The following ASB3 variants were observed in gnomAD, a reference collection of about 807,000 sequenced individuals.
The protein encoded by ASB3 is ankyrin repeat and SOCS box containing 3, also known as ankyrin repeat and SOCS box protein 3.
In ASB3, 41 loss-of-function variants were observed where a neutral mutation model predicts 54.5. That is an observed-to-expected ratio of 0.75 (90% CI 0.59 to 0.98). The LOEUF is 0.98. ASB3 is among the 50% of genes least tolerant of loss of function. The pLI, the probability that ASB3 is intolerant of heterozygous loss-of-function variation, is 0.00. For synonymous variants in ASB3, 266 were observed against 221.2 expected, an observed-to-expected ratio of 1.20 and a Z score of -1.80; for missense variants, 733 against 620.0, an observed-to-expected ratio of 1.18 and a Z score of -1.94.
intron 1 of ASB3, among the ~76,000 whole-genome samples, chr2:53,777,074 A>C (rs1264746722): frequency 6.6e-6 from 1 of 152,154 alleles, no homozygotes; most frequent in Non-Finnish European, 1.5e-5. Context: ...TGTTTTACTT[A>C]ATTGTACTGA....
chr2:53,688,182 A>T (rs1039577051), intron 9 of ASB3, among the ~76,000 whole-genome samples: 2 of 152,172 alleles, frequency 1.3e-5, no homozygotes, highest in African/African-American at 4.8e-5. Context: ...TTGTAAGTTA[A>T]CTTGGCTATA....
In ASB3 at chr2:53,670,128, A is replaced by G. The variant is rs1667742139; in HGVS notation, c.*375T>C. The G allele has an allele frequency of 3.4e-5, 6 of 176,278 alleles. No homozygotes were observed. The South Asian group carries it at 8.5e-4, about 25-fold the overall frequency. 10.9% of individuals were successfully genotyped at this position (176,278 alleles called of 1,614,324 possible). A position where few individuals can be genotyped will look rare whatever the true frequency, so the allele number is the denominator to read the frequency against. On this transcript the variant is annotated 3_prime_UTR_variant, in exon 10 of 10. Transcript: ENST00000263634. ...TCTGAGCTCCTAATACCAGGTAAAC[A>G]CGAATCATAGGTGGAAATATGCCAT...
In ASB3 at chr2:53,725,425, T is replaced by C. The variant is rs1218461398; in HGVS notation, c.604+3287A>G. On this transcript the variant is annotated intron_variant, in intron 5 of 9. Transcript: ENST00000263634. ...ATGTAACAAACCTGCATGCATACCC[T>C]CTGAATCTGAAATAAAAGTTGAAAT... Among the ~76,000 whole-genome samples, 16 of 152,100 alleles carry C rather than the reference T, an allele frequency of 1.1e-4. No homozygotes were observed. In the East Asian group the frequency reaches 2.7e-3, roughly 26 times the overall value.
At chr2:53,773,586 G>A (rs1485991194) in intron 1 of ASB3, among the ~76,000 whole-genome samples, 1 of 151,968 alleles carries the variant, frequency 6.6e-6, no homozygotes, top group East Asian at 2.0e-4. Context: ...GCCTGCCACT[G>A]TGCCTGACTA....
At chr2:53,767,842 G>GACAGCTAGGGTTCACGGCC in intron 1 of ASB3, 1 of 1,565,830 alleles carries the variant, frequency 6.4e-7, no homozygotes, top group South Asian at 1.2e-5. Context: ...GCGGCGCGGC[G>GACAGCTAGGGTTCACGGCC]ACAGCTAGGG....
At position 53,785,391 on chromosome 2, in the gene ASB3, T is replaced by C. The variant is rs149832275; in HGVS notation, c.-14+1430A>G. Among the ~76,000 whole-genome samples the C allele has an allele frequency of 9.7e-4, 148 of 152,158 alleles. 1 individual carries two copies. Among genetic ancestry groups the C allele is most frequent in the African/African-American group, 3.5e-3 (145 of 41,498 alleles). ...TTTATTCCGTCAAATACATCTCTTT[T>C]CCTTCATGACTTAAGACTAGTGCTT... On this transcript the variant is annotated intron_variant, in intron 1 of 9. Coordinates refer to ENST00000263634, the MANE Select transcript of ASB3 (RefSeq NM_016115.5).
At chr2:53,755,277 ACACTGC>A (rs1672753462) in intron 2 of ASB3, among the ~76,000 whole-genome samples, 1 of 152,174 alleles carries the variant, frequency 6.6e-6, no homozygotes, top group African/African-American at 2.4e-5. Flanking sequence ...GTTGGCCCAA[ACACTGC>A]CAATGGAACC....
chr2:53,737,613 A>T (rs1477870946), intron 3 of ASB3, among the ~76,000 whole-genome samples: 1 of 152,046 alleles, frequency 6.6e-6, no homozygotes, highest in Non-Finnish European at 1.5e-5. Context: ...GAGTGATGAG[A>T]CCATACTATT....
At chr2:53,724,560 C>T (rs1670888057) in intron 5 of ASB3, among the ~76,000 whole-genome samples, 1 of 151,210 alleles carries the variant, frequency 6.6e-6, no homozygotes. Context: ...GATAGTGCCA[C>T]TGTACGCCAT....
At chr2:53,771,818 A>C (rs1033757828) in intron 1 of ASB3, 8 of 767,504 alleles carry the variant, frequency 1.0e-5, no homozygotes, top group Middle Eastern at 2.6e-4. Flanking sequence ...ATATAATTCA[A>C]ATATTCCATG....
In ASB3 at chr2:53,768,049, T is replaced by C. The variant is rs758472281; in HGVS notation, c.-13-2464A>G. 8 of 1,609,668 alleles carry C rather than the reference T, an allele frequency of 5.0e-6. No individual in the cohort carries two copies. The East Asian group carries it at 1.8e-4, about 36-fold the overall frequency. ...GAGGCGCCGGTCAGCTCCCCACACT[T>C]ACTGCCCCCTGACCCCTGCTCCCCA... On this transcript the variant is annotated intron_variant, in intron 1 of 9. Coordinates refer to ENST00000263634, the MANE Select transcript of ASB3 (RefSeq NM_016115.5).
intron 9 of ASB3, 144 bp downstream of exon 9, chr2:53,693,739 AC>A (rs2103731199): frequency 8.7e-7 from 1 of 1,147,956 alleles, no homozygotes; most frequent in African/African-American, 1.6e-5. Context: ...TCCCCTAACA[AC>A]CCCATCTTTT....
chr2:53,725,542 G>C (rs1441453910), intron 5 of ASB3, among the ~76,000 whole-genome samples: 4 of 152,150 alleles, frequency 2.6e-5, no homozygotes, highest in Non-Finnish European at 5.9e-5. Context: ...TTTTTGTGAA[G>C]ATTTTGAAAA....
At chr2:53,721,210 T>C (rs1178001824) in intron 5 of ASB3, among the ~76,000 whole-genome samples, 5 of 151,122 alleles carry the variant, frequency 3.3e-5, no homozygotes, top group Non-Finnish European at 4.4e-5. Flanking sequence ...AGAATAAAAA[T>C]AGAAATCAAT....
At chr2:53,701,470 T>G (rs376449119) in intron 7 of ASB3, among the ~76,000 whole-genome samples, 18 of 152,310 alleles carry the variant, frequency 1.2e-4, no homozygotes, top group East Asian at 1.2e-3. Flanking sequence ...ATAGCAAATT[T>G]CTGCAATATC....
At chr2:53,781,556 C>T (rs1278357229) in intron 1 of ASB3, among the ~76,000 whole-genome samples, 1 of 152,030 alleles carries the variant, frequency 6.6e-6, no homozygotes, top group Admixed American at 6.6e-5. Context: ...AGTACAATGG[C>T]GCCATCTTGG....
intron 1 of ASB3, chr2:53,768,239 T>A: frequency 3.7e-6 from 2 of 546,052 alleles, no homozygotes; most frequent in Non-Finnish European, 6.3e-6. Flanking sequence ...TGCCGGTGGT[T>A]AGTCTCTAGA....
chr2:53,707,755 A>G (rs180907697), intron 7 of ASB3, among the ~76,000 whole-genome samples: 520 of 152,026 alleles, frequency 3.4e-3, no homozygotes, highest in Non-Finnish European at 4.3e-3. Context: ...TGAGCTTACG[A>G]GTTATAGACC....
intron 2 of ASB3, among the ~76,000 whole-genome samples, chr2:53,755,853 C>T (rs1188399544): frequency 1.3e-5 from 2 of 152,078 alleles, no homozygotes; most frequent in Non-Finnish European, 2.9e-5. Context: ...ATAAAGAGCT[C>T]TTTAAAGATA....
Sources: gnomAD v4.1 joint callset for allele counts (sites outside exome capture counted in the v4.1 genomes callset) on GRCh38, gnomAD v4.1.1 for gene constraint, MANE v1.5 for transcripts, NCBI Gene and HGNC (gene_info 2026-07-23, HGNC 2026-07-21) for gene names.